The following RARB variants were observed in gnomAD, a reference collection of about 807,000 sequenced individuals.
The protein encoded by RARB is retinoic acid receptor beta, also known as HBV-activated protein.
RARB carries 17 observed loss-of-function variants against 51.9 expected under a neutral mutation model. That is an observed-to-expected ratio of 0.33 (90% CI 0.22 to 0.49). RARB has a LOEUF of 0.49. Among genes scored for constraint, RARB ranks in the 20% least tolerant of loss-of-function variants. The pLI is 0.99. For missense variants in RARB, 369 were observed against 550.8 expected (o/e 0.67, Z 3.30); for synonymous variants, 215 against 195.4 (o/e 1.10, Z -0.84).
chr3:25,204,445 C>T (rs1398258836), intron 5 of RARB, among the ~76,000 whole-genome samples: 1 of 152,220 alleles, frequency 6.6e-6, no homozygotes, highest in African/African-American at 2.4e-5. Flanking sequence ...ATTCTCCGTC[C>T]ACCTTTGTTC....
chr3:24,954,903 G>A (rs913297864), intron 2 of RARB, among the ~76,000 whole-genome samples: 1 of 152,172 alleles, frequency 6.6e-6, no homozygotes, highest in East Asian at 1.9e-4. Flanking sequence ...GGAGCCAGGG[G>A]AGTGTTTTGG....
At chr3:24,992,518 T>A (rs547631235) in intron 2 of RARB, among the ~76,000 whole-genome samples, 1 of 152,234 alleles carries the variant, frequency 6.6e-6, no homozygotes, top group Non-Finnish European at 1.5e-5. Flanking sequence ...ATCTGTTTCA[T>A]GGCTATAAAT....
chr3:25,030,889 T>C (rs1697859663), intron 2 of RARB, among the ~76,000 whole-genome samples: 1 of 152,198 alleles, frequency 6.6e-6, no homozygotes, highest in African/African-American at 2.4e-5. Flanking sequence ...AAAAATTTAT[T>C]TTCCCTTTCA....
intron 4 of RARB, 129 bp downstream of exon 4, chr3:25,570,047 G>A: frequency 7.5e-7 from 1 of 1,327,862 alleles, no homozygotes; most frequent in African/African-American, 1.5e-5. Flanking sequence ...GCAGGGGCTT[G>A]CATGCTAGCC....
chr3:25,043,637 G>GT (rs967396616), intron 2 of RARB, among the ~76,000 whole-genome samples: 11 of 151,876 alleles, frequency 7.2e-5, no homozygotes, highest in African/African-American at 2.7e-4. Flanking sequence ...GCGTTACAGG[G>GT]TTTTTTTTAA....
chr3:25,404,302 C>T (rs552404529), intron 5 of RARB, among the ~76,000 whole-genome samples: 11 of 152,222 alleles, frequency 7.2e-5, no homozygotes, highest in East Asian at 3.9e-4. Context: ...TTTAACATTC[C>T]GACAGGGTTA....
intron 3 of RARB, among the ~76,000 whole-genome samples, chr3:25,070,704 T>C (rs567217025): frequency 2.0e-5 from 3 of 152,200 alleles, no homozygotes; most frequent in Non-Finnish European, 4.4e-5. Context: ...ATGACAACCC[T>C]ATGTGGAAAG....
rs552635481 is a variant in RARB, at chr3:25,035,746, G to A, written c.-379-24379G>A. On this transcript the variant is annotated intron_variant, in intron 2 of 11. Coordinates refer to the RARB transcript ENST00000383772. Reference sequence around the variant, plus strand: ...TCAGCTCTGCCCTTGTAGTATGCAAGTAGCCAAAGAATATATGGAAAAGAA... The same window carrying A: ...TCAGCTCTGCCCTTGTAGTATGCAAATAGCCAAAGAATATATGGAAAAGAA... Among the ~76,000 whole-genome samples the A allele has an allele frequency of 6.6e-5, 10 of 152,300 alleles. No individual in the cohort carries two copies. The East Asian group carries it at 1.9e-3, about 29-fold the overall frequency.
intron 5 of RARB, among the ~76,000 whole-genome samples, chr3:25,313,172 T>G (rs923241939): frequency 6.6e-6 from 1 of 152,226 alleles, no homozygotes; most frequent in African/African-American, 2.4e-5. Context: ...ATCCTTTCCT[T>G]GGAAGTTCCC....
At chr3:25,130,567 C>G (rs914271830) in intron 3 of RARB, among the ~76,000 whole-genome samples, 2 of 151,766 alleles carry the variant, frequency 1.3e-5, no homozygotes, top group African/African-American at 4.8e-5. Flanking sequence ...ATTTTTTTCT[C>G]TCACTCTTGC....
intron 2 of RARB, among the ~76,000 whole-genome samples, chr3:24,903,371 T>C (rs1245858775): frequency 6.6e-6 from 1 of 152,152 alleles, no homozygotes; most frequent in Non-Finnish European, 1.5e-5. Flanking sequence ...AGATGAGTTG[T>C]CCATTTATTT....
At chr3:24,995,927 G>A (rs998243075) in intron 2 of RARB, among the ~76,000 whole-genome samples, 1 of 151,928 alleles carries the variant, frequency 6.6e-6, no homozygotes, top group African/African-American at 2.4e-5. Flanking sequence ...TTTCTTTATT[G>A]TTGTGCCTTC....
rs1030759055 is a variant in RARB, at chr3:24,898,702, TC to T, written c.-380+39955del. Among the ~76,000 whole-genome samples the T allele has an allele frequency of 7.9e-5, 12 of 152,300 alleles. No homozygotes were observed. In the East Asian group the frequency reaches 2.3e-3, roughly 29 times the overall value. ...CTAATCAGCTCTATTTTCTAGAAAT[TC>T]CCCCTTCCCCTATAGCGGATATATT... is the stretch of plus-strand genomic sequence containing the variant. On this transcript the variant is annotated intron_variant, in intron 2 of 11. Transcript: ENST00000383772.
chr3:25,509,511 GCTCC>G (rs1300365035), intron 3 of RARB, among the ~76,000 whole-genome samples: 2 of 152,226 alleles, frequency 1.3e-5, no homozygotes, highest in Non-Finnish European at 2.9e-5. Flanking sequence ...TAGAAGTGCA[GCTCC>G]AAATATTATG....
intron 2 of RARB, among the ~76,000 whole-genome samples, chr3:25,488,142 G>C (rs1169437166): frequency 6.6e-6 from 1 of 152,198 alleles, no homozygotes. Flanking sequence ...GTTAACAAGA[G>C]GTGGTTCAGA....
chr3:25,037,989 A>C (rs1054517516), intron 2 of RARB, among the ~76,000 whole-genome samples: 1 of 152,232 alleles, frequency 6.6e-6, no homozygotes, highest in Non-Finnish European at 1.5e-5. Context: ...ATAAGTAACA[A>C]CTTGGCAAGC....
At chr3:24,882,836 T>C (rs1703193340) in intron 2 of RARB, among the ~76,000 whole-genome samples, 1 of 152,164 alleles carries the variant, frequency 6.6e-6, no homozygotes, top group Non-Finnish European at 1.5e-5. Context: ...AATCCCGTTC[T>C]CCTAACCCAT....
At chr3:25,027,475 A>G (rs1469663468) in intron 2 of RARB, among the ~76,000 whole-genome samples, 1 of 152,152 alleles carries the variant, frequency 6.6e-6, no homozygotes, top group Non-Finnish European at 1.5e-5. Context: ...GGATCCTATC[A>G]CTTAATGTCC....
intron 4 of RARB, among the ~76,000 whole-genome samples, chr3:25,150,015 G>C (rs983907717): frequency 6.6e-6 from 1 of 151,860 alleles, no homozygotes; most frequent in Non-Finnish European, 1.5e-5. Context: ...CAACATGACC[G>C]ATATGGTGAA....
Sources: allele counts gnomAD v4.1 joint callset (sites outside exome capture counted in the v4.1 genomes callset), GRCh38; gene constraint gnomAD v4.1.1; transcripts MANE v1.5; gene names NCBI Gene and HGNC (gene_info 2026-07-23, HGNC 2026-07-21).